The following TMEM9 variants were observed in gnomAD, a reference collection of about 807,000 sequenced individuals.
The protein encoded by TMEM9 is transmembrane protein 9, also known as proton-transporting V-type ATPase complex assembly regulator TMEM9.
TMEM9 carries 13 observed loss-of-function variants against 22.8 expected under a neutral mutation model. The observed-to-expected ratio is 0.57, with a 90% CI of 0.37 to 0.91. The LOEUF (loss-of-function observed/expected upper bound fraction) is 0.91, where lower values mean the gene tolerates loss of function less well. Ranked by LOEUF, TMEM9 falls within the 40% of genes least tolerant of loss-of-function variation. The pLI is 0.01. For synonymous variants in TMEM9, 88 were observed against 93.0 expected (o/e 0.95, Z 0.31); for missense variants, 182 against 238.1 (o/e 0.76, Z 1.55).
upstream of TMEM9, among the ~76,000 whole-genome samples, chr1:201,157,519 A>G (rs1289199355): frequency 1.3e-5 from 2 of 152,218 alleles, no homozygotes; most frequent in South Asian, 4.1e-4. Context: ...GCTGCTTCTT[A>G]TTAGAAGGGA....
At chr1:201,164,372 T>C (rs1309325836) in intron 1 of TMEM9, among the ~76,000 whole-genome samples, 2 of 152,216 alleles carry the variant, frequency 1.3e-5, no homozygotes, top group Non-Finnish European at 2.9e-5. Context: ...GTGATCTTTG[T>C]ATATTATTTC....
At chr1:201,139,802 C>T (rs6703834) in intron 4 of TMEM9, among the ~76,000 whole-genome samples, 3 of 152,172 alleles carry the variant, frequency 2.0e-5, no homozygotes, top group Non-Finnish European at 4.4e-5. Context: ...CTGAGGTAAA[C>T]ATGATTATGT....
intron 2 of TMEM9, among the ~76,000 whole-genome samples, chr1:201,147,140 T>C (rs574514348): frequency 6.6e-6 from 1 of 152,216 alleles, no homozygotes; most frequent in South Asian, 2.1e-4. Flanking sequence ...GCCTTCCTCA[T>C]CTCATGCTAT....
Position 201,134,902 on chromosome 1 carries a change from C to T in TMEM9, c.*761G>A, listed in dbSNP as rs1034855525. On this transcript the variant is annotated 3_prime_UTR_variant, in exon 5 of 5. Coordinates refer to ENST00000367330, the MANE Select transcript of TMEM9 (RefSeq NM_001288565.2). The stretch of plus-strand genomic sequence containing the variant: ...ACAAGAGGCAACCCAAGTACAGGGG[C>T]TGTGGTGTTCAGATCCACGCTCAGC... 4 of 152,848 alleles carry T rather than the reference C, an allele frequency of 2.6e-5. No homozygotes were observed. Among genetic ancestry groups the T allele is most frequent in the Admixed American group, 1.3e-4 (2 of 15,290 alleles). The allele number at this position is 152,848 out of a possible 1,614,324, so 9.5% of individuals were successfully genotyped here.
chr1:201,152,497 G>C (rs1665511296), intron 1 of TMEM9, among the ~76,000 whole-genome samples: 1 of 152,104 alleles, frequency 6.6e-6, no homozygotes, highest in Non-Finnish European at 1.5e-5. Flanking sequence ...TAGTTCCATA[G>C]ATCTACCCAA....
chr1:201,160,545 C>T (rs1277058686), intron 1 of TMEM9, among the ~76,000 whole-genome samples: 10 of 151,060 alleles, frequency 6.6e-5, no homozygotes, highest in South Asian at 4.2e-4. Flanking sequence ...GCCGAGATCG[C>T]GCCATTGCAC....
intron 3 of TMEM9, chr1:201,144,786 G>A (rs1394614690): frequency 1.3e-5 from 2 of 152,154 alleles, no homozygotes; most frequent in South Asian, 4.1e-4. Flanking sequence ...CCCCCTGGGG[G>A]GGCTGTAATC....
At position 201,151,656 on chromosome 1, in the gene TMEM9, A is replaced by G. The variant is rs938695010; in HGVS notation, c.158+105T>C. 2.2e-5 allele frequency: 18 copies of G among 801,290 alleles called. No individual in the cohort carries two copies. In the South Asian group the frequency reaches 2.5e-4, roughly 11 times the overall value. The allele number at this position is 801,290 out of a possible 1,614,324, so 49.6% of individuals were successfully genotyped here. The stretch of plus-strand genomic sequence containing the variant: ...TAATTACTCCTTTGAAAGGCTCTCC[A>G]TAGGAATGGGAGAGCATGCTTATCC... On this transcript the variant is annotated intron_variant, in intron 2 of 4. Coordinates refer to ENST00000367330, the MANE Select transcript of TMEM9 (RefSeq NM_001288565.2).
At chr1:201,154,671 G>C (rs1106729), upstream of TMEM9, among the ~76,000 whole-genome samples, 49,223 of 152,044 alleles carry the variant, frequency 0.32, 8,605 homozygotes, top group Admixed American at 0.38. Flanking sequence ...GAAGGGTCTT[G>C]CCTTTGTGTG....
At chr1:201,144,561 A>T (rs1414935504) in intron 3 of TMEM9, 1 of 152,574 alleles carries the variant, frequency 6.6e-6, no homozygotes, top group Non-Finnish European at 1.5e-5. Flanking sequence ...GGGTAGAACA[A>T]CAACTCCACG....
At chr1:201,154,700 CG>C (rs532175041), upstream of TMEM9, among the ~76,000 whole-genome samples, 66 of 152,324 alleles carry the variant, frequency 4.3e-4, no homozygotes, top group African/African-American at 1.6e-3. Context: ...ACTCCCACTG[CG>C]GTGCTTCTCC....
chr1:201,165,512 C>T (rs1331057062), intron 1 of TMEM9, among the ~76,000 whole-genome samples: 1 of 151,648 alleles, frequency 6.6e-6, no homozygotes, highest in Non-Finnish European at 1.5e-5. Flanking sequence ...TCTTGACTCG[C>T]TACAACCTCT....
intron 3 of TMEM9, chr1:201,145,185 G>C (rs1664860607): frequency 6.6e-6 from 1 of 152,302 alleles, no homozygotes; most frequent in Non-Finnish European, 1.5e-5. Flanking sequence ...CTCCTAGGTA[G>C]GAGGACTGGG....
chr1:201,163,660 A>G (rs1666003342), intron 1 of TMEM9, among the ~76,000 whole-genome samples: 1 of 152,282 alleles, frequency 6.6e-6, no homozygotes, highest in Middle Eastern at 3.4e-3. Flanking sequence ...ATCACTACAT[A>G]TCTATCAGAA....
Position 201,153,994 on chromosome 1 carries a change from G to A in TMEM9, c.-71C>T. On this transcript the variant is annotated 5_prime_UTR_variant, in exon 1 of 5. Coordinates refer to ENST00000367330, the MANE Select transcript of TMEM9 (RefSeq NM_001288565.2). ...GAGATACGGAGTCGGAGAAGGGGAA[G>A]GTGGCCACACCGCAGCCAGCACGCT... The A allele has an allele frequency of 6.5e-7, 1 of 1,537,782 alleles. No homozygotes were observed. The highest frequency in any genetic ancestry group is 8.8e-7 in the Non-Finnish European group (1 of 1,139,362).
At chr1:201,138,039 G>A (rs113419131) in intron 4 of TMEM9, among the ~76,000 whole-genome samples, 16 of 152,260 alleles carry the variant, frequency 1.1e-4, no homozygotes, top group African/African-American at 3.9e-4. Flanking sequence ...ACTTGGCTCT[G>A]GGGGCTGGAT....
intron 2 of TMEM9, among the ~76,000 whole-genome samples, chr1:201,149,768 A>G (rs1665273891): frequency 6.6e-6 from 1 of 152,144 alleles, no homozygotes. Flanking sequence ...GACCCACTCA[A>G]ACTGGCCTCC....
intron 1 of TMEM9, among the ~76,000 whole-genome samples, chr1:201,160,377 G>C (rs1199183556): frequency 6.7e-6 from 1 of 149,154 alleles, no homozygotes; most frequent in African/African-American, 2.5e-5. Flanking sequence ...ATCACCTGAG[G>C]TCGGGAGTTC....
At chr1:201,143,019 C>T (rs1227583326) in intron 4 of TMEM9, among the ~76,000 whole-genome samples, 2 of 152,208 alleles carry the variant, frequency 1.3e-5, no homozygotes, top group Middle Eastern at 3.2e-3. Flanking sequence ...GCCATGGTGT[C>T]CACAACTTTT....
Sources: allele counts gnomAD v4.1 joint callset (sites outside exome capture counted in the v4.1 genomes callset), GRCh38; gene constraint gnomAD v4.1.1; transcripts MANE v1.5; gene names NCBI Gene and HGNC (gene_info 2026-07-23, HGNC 2026-07-21).